Variants in CNBD2 observed in about 807,000 individuals in gnomAD.
CNBD2 encodes the protein cyclic nucleotide binding domain containing 2.
Under a neutral mutation model 63.7 loss-of-function variants are expected in CNBD2, and 64 were observed. The ratio of observed to expected loss-of-function variants is 1.00; its 90% CI spans 0.82 to 1.24. The LOEUF (loss-of-function observed/expected upper bound fraction) is 1.24. Ranked by LOEUF, CNBD2 falls within the 50% of genes most tolerant of loss-of-function variation. The probability of loss-of-function intolerance (pLI) is 0.00; values close to 1 mark genes in which losing one functional copy is unlikely to be tolerated. For missense variants in CNBD2, 691 were observed against 713.5 expected (o/e 0.97, Z 0.36); for synonymous variants, 229 against 255.4 (o/e 0.90, Z 0.99).
chr20:35,962,221 C>T (rs2056314098), intron 2 of CNBD2, among the ~76,000 whole-genome samples: 2 of 151,080 alleles, frequency 1.3e-5, no homozygotes, highest in African/African-American at 4.9e-5. Context: ...AGGAGCAGCT[C>T]TCAAGTGGAC....
At chr20:35,997,427 A>G (rs949538026) in intron 8 of CNBD2, among the ~76,000 whole-genome samples, 1 of 152,228 alleles carries the variant, frequency 6.6e-6, no homozygotes. Context: ...TTAGCTGGGT[A>G]GCTTTGGTGA....
chr20:36,021,198 A>G (rs1184366735), intron 10 of CNBD2, among the ~76,000 whole-genome samples: 1 of 152,248 alleles, frequency 6.6e-6, no homozygotes, highest in Non-Finnish European at 1.5e-5. Flanking sequence ...AATGTGGGAC[A>G]TATACACAAT....
rs185158077 is a variant in CNBD2 at position 36,008,190 on chromosome 20, T to C, written c.971-107T>C. Reference sequence around the variant, plus strand: ...TTTTTTTTTAAAAAATTTCCCCATGTGCTAGACCATCCAGGCAGGTTCCTG... The same window carrying C: ...TTTTTTTTTAAAAAATTTCCCCATGCGCTAGACCATCCAGGCAGGTTCCTG... On this transcript the variant is annotated intron_variant, in intron 8 of 11. Coordinates refer to ENST00000373973, the MANE Select transcript of CNBD2 (RefSeq NM_001365709.1). 408 of 908,480 alleles carry C rather than the reference T, an allele frequency of 4.5e-4. 4 individuals carry two copies. The South Asian group carries it at 4.7e-3, about 11-fold the overall frequency. 56.3% of individuals were successfully genotyped at this position (908,480 alleles called of 1,614,324 possible).
intron 7 of CNBD2, among the ~76,000 whole-genome samples, chr20:35,989,866 G>GGAGAGA (rs35862163): frequency 0.11 from 13,043 of 121,584 alleles, 862 homozygotes; most frequent in East Asian, 0.16. Flanking sequence ...GATGAGAGAG[G>GGAGAGA]GAGAGAGAGA....
downstream of CNBD2, among the ~76,000 whole-genome samples, chr20:35,960,030 A>G (rs1202197492): frequency 6.6e-6 from 1 of 152,242 alleles, no homozygotes; most frequent in Non-Finnish European, 1.5e-5. Context: ...ATCTATTACT[A>G]TCAAATCTAT....
chr20:35,974,602 G>T (rs1299645534), intron 2 of CNBD2: 1 of 153,434 alleles, frequency 6.5e-6, no homozygotes, highest in Non-Finnish European at 1.5e-5. Flanking sequence ...GACTGCTTCA[G>T]TAGATGTGTG....
intron 1 of CNBD2, among the ~76,000 whole-genome samples, chr20:35,971,294 G>A (rs1264378976): frequency 6.6e-6 from 1 of 152,016 alleles, no homozygotes; most frequent in African/African-American, 2.4e-5. Context: ...TTGAAAGTAA[G>A]CTGCATACTT....
upstream of CNBD2, chr20:35,954,415 A>G (rs772723312): frequency 1.9e-6 from 3 of 1,552,446 alleles, no homozygotes; most frequent in Non-Finnish European, 2.6e-6. Context: ...AGGGAGTCGG[A>G]CTCGGGACCG....
intron 10 of CNBD2, among the ~76,000 whole-genome samples, chr20:36,013,334 C>T (rs2057088202): frequency 6.6e-6 from 1 of 152,122 alleles, no homozygotes; most frequent in Non-Finnish European, 1.5e-5. Context: ...AGAAGAGTTG[C>T]TTGAACCCGG....
intron 9 of CNBD2, among the ~76,000 whole-genome samples, chr20:36,009,337 G>T (rs897172718): frequency 6.6e-6 from 1 of 151,828 alleles, no homozygotes; most frequent in Non-Finnish European, 1.5e-5. Flanking sequence ...GAGTAGCTGG[G>T]ACTACAGGCA....
At chr20:35,989,288 C>T (rs148649355) in intron 7 of CNBD2, among the ~76,000 whole-genome samples, 2 of 152,220 alleles carry the variant, frequency 1.3e-5, no homozygotes, top group Non-Finnish European at 2.9e-5. Context: ...TAAGCCACCA[C>T]AGGCATTTGT....
intron 10 of CNBD2, among the ~76,000 whole-genome samples, chr20:36,015,282 C>T (rs570185579): frequency 7.9e-5 from 12 of 152,262 alleles, no homozygotes; most frequent in East Asian, 1.9e-4. Flanking sequence ...ATCAGATGTA[C>T]GGCTTGCAAA....
intron 2 of CNBD2, chr20:35,972,971 C>A: frequency 1.7e-6 from 1 of 589,334 alleles, no homozygotes; most frequent in South Asian, 2.3e-5. Context: ...AATACTGAAC[C>A]CCAGATTTAG....
At position 35,963,047 on chromosome 20, in the gene CNBD2, CAATT is replaced by C. The variant is rs1295283752; in HGVS notation, c.228+5277_228+5280del. ...TTTTACAGCTTCTCTACTTCTATGA[CAATT>C]AATCTATTTAGGCTGGGCGTGGTGG... On this transcript the variant is annotated intron_variant, in intron 2 of 4. Transcript: ENST00000622112. 7.2e-5 allele frequency among the ~76,000 whole-genome samples: 11 copies of C among 152,214 alleles called. No homozygotes were observed. In the East Asian group the frequency reaches 2.1e-3, roughly 29 times the overall value.
At chr20:35,975,665 C>CT (rs145507684) in intron 2 of CNBD2, among the ~76,000 whole-genome samples, 14,577 of 152,068 alleles carry the variant, frequency 0.096, 2,412 homozygotes, top group African/African-American at 0.33. Context: ...GCTTTTCCCC[C>CT]TTCCTTTTCT....
At chr20:35,968,546 A>G (rs2056366948), upstream of CNBD2, 2 of 470,148 alleles carry the variant, frequency 4.3e-6, no homozygotes, top group Admixed American at 3.5e-5. Context: ...TGCCTCCAGA[A>G]TCTTTCATTG....
chr20:35,991,940 G>A (rs1247499570), intron 7 of CNBD2, among the ~76,000 whole-genome samples: 1 of 152,030 alleles, frequency 6.6e-6, no homozygotes, highest in Non-Finnish European at 1.5e-5. Context: ...GAGTGCAATG[G>A]CACGATCTTG....
rs1555811431 is a variant in CNBD2, at chr20:35,995,236, C to T, written c.970+84C>T. ...TCCCAGCACATAGAGCCTTAGAAAT[C>T]TAGTCAGCCAGCCTGACAGCGTATA... On this transcript the variant is annotated intron_variant, in intron 8 of 11. Coordinates refer to ENST00000373973, the MANE Select transcript of CNBD2 (RefSeq NM_001365709.1). 7 of 911,776 alleles carry T rather than the reference C, an allele frequency of 7.7e-6. No homozygotes were observed. In the East Asian group the frequency reaches 1.8e-4, roughly 23 times the overall value. 56.5% of individuals were successfully genotyped at this position (911,776 alleles called of 1,614,324 possible).
Position 36,023,813 on chromosome 20 carries a change from A to C in CNBD2, c.1439+42A>C, listed in dbSNP as rs1363891974. On this transcript the variant is annotated intron_variant, in intron 11 of 11. Coordinates refer to ENST00000373973, the MANE Select transcript of CNBD2 (RefSeq NM_001365709.1). Reference sequence around the variant, plus strand: ...TGCGTAAGTCCCATCAGGTGAAATGAACAATTTTTCACCTGTTATTTTAGT... The same window carrying C: ...TGCGTAAGTCCCATCAGGTGAAATGCACAATTTTTCACCTGTTATTTTAGT... 3 of 1,498,162 alleles carry C rather than the reference A, an allele frequency of 2.0e-6. No individual in the cohort carries two copies. The African/African-American group carries it at 4.3e-5, about 21-fold the overall frequency. 92.8% of individuals were successfully genotyped at this position (1,498,162 alleles called of 1,614,324 possible).
Sources: allele counts gnomAD v4.1 joint callset (sites outside exome capture counted in the v4.1 genomes callset), GRCh38; gene constraint gnomAD v4.1.1; transcripts MANE v1.5; gene names NCBI Gene and HGNC (gene_info 2026-07-23, HGNC 2026-07-21).